NELL2: variants seen among roughly 807,000 people sequenced by gnomAD.
NELL2 encodes the protein protein kinase C-binding protein NELL2.
Under a neutral mutation model 109.6 loss-of-function variants are expected in NELL2, and 41 were observed. That is an observed-to-expected ratio of 0.37 (90% confidence interval 0.29 to 0.49). The LOEUF (loss-of-function observed/expected upper bound fraction) is 0.49. Ranked by LOEUF, NELL2 falls within the 20% of genes least tolerant of loss-of-function variation. NELL2 has a pLI of 0.98. For synonymous variants in NELL2, 355 were observed against 344.7 expected, an observed-to-expected ratio of 1.03 and a Z score of -0.33; for missense variants, 900 against 1,008.3, an observed-to-expected ratio of 0.89 and a Z score of 1.45.
chr12:44,782,416 A>G (rs1035493642), intron 3 of NELL2, among the ~76,000 whole-genome samples: 1 of 152,032 alleles, frequency 6.6e-6, no homozygotes, highest in African/African-American at 2.4e-5. Context: ...AATTTTATTA[A>G]AAGTAAATAG....
intron 10 of NELL2, among the ~76,000 whole-genome samples, chr12:44,714,047 T>G (rs1938354077): frequency 6.6e-6 from 1 of 151,880 alleles, no homozygotes; most frequent in African/African-American, 2.4e-5. Flanking sequence ...ACATTATAAT[T>G]TACAAAAGAC....
intron 1 of NELL2, among the ~76,000 whole-genome samples, chr12:44,919,389 A>G (rs1945852736): frequency 6.6e-6 from 1 of 152,120 alleles, no homozygotes; most frequent in Non-Finnish European, 1.5e-5. Flanking sequence ...CCGTATGTTG[A>G]ATGTAACTGT....
chr12:44,516,183 A>C (rs1054337887), intron 19 of NELL2, among the ~76,000 whole-genome samples: 2 of 152,020 alleles, frequency 1.3e-5, no homozygotes, highest in Admixed American at 6.6e-5. Context: ...AGTATAACAC[A>C]TCATATAATT....
At chr12:44,704,535 G>A (rs1937749500) in intron 11 of NELL2, among the ~76,000 whole-genome samples, 1 of 152,122 alleles carries the variant, frequency 6.6e-6, no homozygotes, top group Non-Finnish European at 1.5e-5. Flanking sequence ...AATTTCTCAA[G>A]ATCTCTTTTT....
chr12:44,638,738 C>CT (rs1365092827), intron 13 of NELL2, among the ~76,000 whole-genome samples: 2 of 152,188 alleles, frequency 1.3e-5, no homozygotes, highest in Non-Finnish European at 2.9e-5. Context: ...AACTCATCCA[C>CT]TCTATCTCAC....
At chr12:44,569,593 A>G (rs1351168851) in intron 15 of NELL2, among the ~76,000 whole-genome samples, 1 of 152,088 alleles carries the variant, frequency 6.6e-6, no homozygotes, top group East Asian at 1.9e-4. Flanking sequence ...TCTGTTTTAG[A>G]CCTCTTTAAA....
intron 15 of NELL2, among the ~76,000 whole-genome samples, chr12:44,553,728 C>A (rs1320866168): frequency 6.6e-6 from 1 of 151,944 alleles, no homozygotes. Flanking sequence ...ATCAACGAAA[C>A]AAAGAGACAA....
At chr12:44,557,641 A>T (rs1943306642) in intron 15 of NELL2, among the ~76,000 whole-genome samples, 1 of 152,186 alleles carries the variant, frequency 6.6e-6, no homozygotes, top group African/African-American at 2.4e-5. Flanking sequence ...GTTTGTGAGA[A>T]ATCTGGGTAA....
At chr12:44,757,064 A>G (rs1940922209) in intron 9 of NELL2, among the ~76,000 whole-genome samples, 1 of 152,224 alleles carries the variant, frequency 6.6e-6, no homozygotes, top group Non-Finnish European at 1.5e-5. Flanking sequence ...TTCAATAAAT[A>G]GTATAATCAT....
At chr12:44,793,320 T>G (rs1942501233) in intron 3 of NELL2, among the ~76,000 whole-genome samples, 1 of 152,190 alleles carries the variant, frequency 6.6e-6, no homozygotes, top group Non-Finnish European at 1.5e-5. Context: ...TTTATCTTCT[T>G]GTTTAACAAC....
intron 13 of NELL2, among the ~76,000 whole-genome samples, chr12:44,637,984 ATTC>A (rs1016655263): frequency 1.6e-4 from 24 of 152,158 alleles, no homozygotes; most frequent in African/African-American, 5.5e-4. Context: ...TGGACCAGGA[ATTC>A]TTTCTTACTG....
chr12:44,744,017 A>G (rs537068094), intron 9 of NELL2, among the ~76,000 whole-genome samples: 4,092 of 152,138 alleles, frequency 0.027, 182 homozygotes, highest in African/African-American at 0.092. Context: ...GCACCACACC[A>G]CACCTACTCC....
chr12:44,898,577 G>A (rs944825220), intron 1 of NELL2, among the ~76,000 whole-genome samples: 8 of 151,996 alleles, frequency 5.3e-5, no homozygotes, highest in African/African-American at 1.5e-4. Flanking sequence ...CAAAAAGAAC[G>A]CCCGTGCAAA....
chr12:44,617,068 T>TA (rs1173199334), intron 13 of NELL2, among the ~76,000 whole-genome samples: 1 of 152,134 alleles, frequency 6.6e-6, no homozygotes, highest in Admixed American at 6.6e-5. Flanking sequence ...AAAAAAGTGG[T>TA]ACTCCTTCCT....
intron 19 of NELL2, 80 bp downstream of exon 19, chr12:44,519,925 T>A: frequency 8.1e-7 from 1 of 1,240,842 alleles, no homozygotes. Context: ...CTTCCTATTG[T>A]CCAGGTAGAG....
intron 12 of NELL2, among the ~76,000 whole-genome samples, chr12:44,671,378 G>A (rs1016446415): frequency 1.3e-5 from 2 of 151,888 alleles, no homozygotes; most frequent in Non-Finnish European, 2.9e-5. Context: ...TGCACCTCAA[G>A]GAACTGCAAA....
chr12:44,687,452 T>C (rs1435115216), intron 12 of NELL2, among the ~76,000 whole-genome samples: 3 of 152,194 alleles, frequency 2.0e-5, no homozygotes, highest in African/African-American at 7.2e-5. Context: ...AATTCTTATA[T>C]ATTTCTAGCT....
intron 15 of NELL2, among the ~76,000 whole-genome samples, chr12:44,593,482 G>A (rs1944835072): frequency 6.6e-6 from 1 of 152,150 alleles, no homozygotes; most frequent in Non-Finnish European, 1.5e-5. Context: ...CTTCAGGCTT[G>A]TCAATTTAAT....
At chr12:44,857,082 T>G (rs1235328025) in intron 2 of NELL2, among the ~76,000 whole-genome samples, 2 of 152,062 alleles carry the variant, frequency 1.3e-5, no homozygotes, top group African/African-American at 4.8e-5. Context: ...ACATAAAAAG[T>G]AACAAACAAT....
Sources: allele counts gnomAD v4.1 joint callset (sites outside exome capture counted in the v4.1 genomes callset), GRCh38; gene constraint gnomAD v4.1.1; transcripts MANE v1.5; gene names NCBI Gene and HGNC (gene_info 2026-07-23, HGNC 2026-07-21).